ANO3: variants seen among roughly 807,000 people sequenced by gnomAD.
ANO3 encodes the protein anoctamin 3.
Under a neutral mutation model 144.8 loss-of-function variants are expected in ANO3, and 99 were observed. That is an observed-to-expected ratio of 0.68 (90% CI 0.58 to 0.81). The LOEUF is 0.81. Ranked by LOEUF, ANO3 falls within the 30% of genes least tolerant of loss-of-function variation. The pLI is 0.00. For synonymous variants in ANO3, 414 were observed against 392.6 expected, an observed-to-expected ratio of 1.05 and a Z score of -0.64; for missense variants, 905 against 1,202.2, an observed-to-expected ratio of 0.75 and a Z score of 3.66.
At chr11:26,605,401 T>C (rs1478991268) in intron 17 of ANO3, among the ~76,000 whole-genome samples, 1 of 152,160 alleles carries the variant, frequency 6.6e-6, no homozygotes, top group African/African-American at 2.4e-5. Context: ...TTTTGTTGTA[T>C]CTCTGCCAGG....
rs1240967156 is a variant in ANO3, at chr11:26,567,059, C to T, written c.1447+7280C>T. 9.3e-6 allele frequency: 14 copies of T among 1,505,706 alleles called. No individual in the cohort carries two copies. In the Admixed American group the frequency reaches 1.3e-4, roughly 14 times the overall value. 93.3% of individuals were successfully genotyped at this position (1,505,706 alleles called of 1,614,324 possible). On this transcript the variant is annotated intron_variant, in intron 14 of 26. Transcript: ENST00000256737. ...ATCTTATTTGATACTTACAACAATC[C>T]CTTGATGTGGCAAGAATAGATTGTA...
intron 1 of ANO3, among the ~76,000 whole-genome samples, chr11:26,358,736 T>G (rs1308336200): frequency 6.6e-6 from 1 of 152,136 alleles, no homozygotes; most frequent in East Asian, 1.9e-4. Flanking sequence ...ACACATGTAT[T>G]AAGCTATATG....
chr11:26,285,213 C>T (rs1321200595), intron 1 of ANO3, among the ~76,000 whole-genome samples: 1 of 151,840 alleles, frequency 6.6e-6, no homozygotes, highest in Non-Finnish European at 1.5e-5. Context: ...GTAAAAGAGC[C>T]TGAAGTCTTA....
At chr11:26,587,199 G>GT (rs1469362630) in intron 14 of ANO3, among the ~76,000 whole-genome samples, 1 of 152,208 alleles carries the variant, frequency 6.6e-6, no homozygotes, top group African/African-American at 2.4e-5. Flanking sequence ...ATGTGAGGCA[G>GT]TGAGTCAAAT....
intron 15 of ANO3, 73 bp from the exon 16 acceptor site, chr11:26,598,785 C>T (rs973505045): frequency 1.3e-5 from 19 of 1,466,412 alleles, no homozygotes; most frequent in South Asian, 6.6e-5. Context: ...TTAGGAGTAT[C>T]GTATCAATTC....
At chr11:26,486,267 A>G (rs1860442921) in intron 4 of ANO3, among the ~76,000 whole-genome samples, 1 of 151,144 alleles carries the variant, frequency 6.6e-6, no homozygotes, top group Non-Finnish European at 1.5e-5. Context: ...AGGCTGAGGC[A>G]GAAGACTCAC....
At chr11:26,440,975 G>A (rs1165062730) in intron 1 of ANO3, among the ~76,000 whole-genome samples, 1 of 152,002 alleles carries the variant, frequency 6.6e-6, no homozygotes, top group Non-Finnish European at 1.5e-5. Flanking sequence ...CAGTGTAGGG[G>A]GACTTCTGCT....
intron 1 of ANO3, chr11:26,285,844 A>C (rs914763847): frequency 6.6e-6 from 1 of 152,180 alleles, no homozygotes; most frequent in Non-Finnish European, 1.5e-5. Context: ...TTTTCCATTC[A>C]TGCCATGGAA....
At chr11:26,423,711 C>T (rs1857828282) in intron 1 of ANO3, among the ~76,000 whole-genome samples, 1 of 151,896 alleles carries the variant, frequency 6.6e-6, no homozygotes, top group Non-Finnish European at 1.5e-5. Flanking sequence ...CTGAGCTTTG[C>T]TTTAGCTCCA....
intron 1 of ANO3, among the ~76,000 whole-genome samples, chr11:26,438,592 C>CAAAAAAA (rs1227963923): frequency 7.1e-5 from 5 of 70,302 alleles, no homozygotes; most frequent in East Asian, 9.2e-4. Flanking sequence ...ACTAAAAATA[C>CAAAAAAA]AAAAAAAAAA....
intron 1 of ANO3, among the ~76,000 whole-genome samples, chr11:26,361,159 A>C (rs1029459603): frequency 6.6e-6 from 1 of 152,204 alleles, no homozygotes; most frequent in African/African-American, 2.4e-5. Flanking sequence ...ATGAATAGCT[A>C]TTCTTGGAAA....
intron 17 of ANO3, among the ~76,000 whole-genome samples, chr11:26,620,938 T>C (rs1328996044): frequency 3.9e-5 from 6 of 152,232 alleles, no homozygotes; most frequent in Non-Finnish European, 8.8e-5. Context: ...TGTATTTGTT[T>C]AGTTTGTTCA....
At chr11:26,210,132 G>C (rs1851902320) in intron 1 of ANO3, among the ~76,000 whole-genome samples, 1 of 152,102 alleles carries the variant, frequency 6.6e-6, no homozygotes, top group African/African-American at 2.4e-5. Flanking sequence ...TTATGTTTAA[G>C]CCTTTCATCT....
chr11:26,251,423 A>G (rs1173029506), intron 1 of ANO3, among the ~76,000 whole-genome samples: 1 of 152,204 alleles, frequency 6.6e-6, no homozygotes. Flanking sequence ...TTTATAATCC[A>G]AAAGGAAGAA....
At chr11:26,458,507 A>C (rs867056892) in intron 3 of ANO3, among the ~76,000 whole-genome samples, 2 of 152,104 alleles carry the variant, frequency 1.3e-5, no homozygotes, top group South Asian at 4.1e-4. Context: ...CCTTACATTT[A>C]TATTGTTTTA....
At chr11:26,236,648 C>G (rs1041203364) in intron 1 of ANO3, among the ~76,000 whole-genome samples, 1 of 151,984 alleles carries the variant, frequency 6.6e-6, no homozygotes, top group African/African-American at 2.4e-5. Context: ...GAAACCCTGT[C>G]TCTACTAAAA....
intron 4 of ANO3, among the ~76,000 whole-genome samples, chr11:26,486,216 C>G (rs1338703065): frequency 6.6e-6 from 1 of 151,822 alleles, no homozygotes; most frequent in Non-Finnish European, 1.5e-5. Context: ...CAAAAATTAG[C>G]TGGATGTGAT....
chr11:26,272,474 C>A (rs369249317), intron 1 of ANO3, among the ~76,000 whole-genome samples: 2 of 152,000 alleles, frequency 1.3e-5, no homozygotes, highest in Non-Finnish European at 2.9e-5. Context: ...ACTGCAGATA[C>A]GGTATAAGAA....
intron 9 of ANO3, 110 bp downstream of exon 9, chr11:26,534,672 T>A (rs1474315777): frequency 1.5e-6 from 1 of 674,862 alleles, no homozygotes; most frequent in Non-Finnish European, 2.5e-6. Context: ...AATAGATGTG[T>A]ATAACATATT....
Sources: allele counts gnomAD v4.1 joint callset (sites outside exome capture counted in the v4.1 genomes callset), GRCh38; gene constraint gnomAD v4.1.1; transcripts MANE v1.5; gene names NCBI Gene and HGNC (gene_info 2026-07-23, HGNC 2026-07-21).